Variants in SDK2 observed in about 807,000 individuals in gnomAD.
SDK2 encodes protein sidekick-2.
A neutral mutation model predicts 253.9 loss-of-function variants in SDK2; 105 were observed. The observed-to-expected ratio is 0.41, with a 90% CI of 0.35 to 0.49. The LOEUF is 0.49. Among genes scored for constraint, SDK2 ranks in the 20% least tolerant of loss-of-function variants. The pLI is 0.06. For missense variants in SDK2, 2,608 were observed against 3,003.0 expected (o/e 0.87, Z 3.07); for synonymous variants, 1,249 against 1,234.9 (o/e 1.01, Z -0.24).
intron 1 of SDK2, among the ~76,000 whole-genome samples, chr17:73,593,397 G>A (rs144931038): frequency 2.0e-5 from 3 of 152,174 alleles, no homozygotes; most frequent in African/African-American, 7.2e-5. Flanking sequence ...CCTCCTCATT[G>A]TGCAGGAAAC....
chr17:73,405,439 CAAA>C (rs1230810012), intron 18 of SDK2, among the ~76,000 whole-genome samples: 1 of 18,366 alleles, frequency 5.4e-5, no homozygotes, highest in Non-Finnish European at 1.1e-4. Flanking sequence ...AACTCCTTCT[CAAA>C]AAAAAAAAAA....
chr17:73,471,554 C>T (rs1398786079), intron 3 of SDK2, among the ~76,000 whole-genome samples: 1 of 152,124 alleles, frequency 6.6e-6, no homozygotes, highest in Non-Finnish European at 1.5e-5. Flanking sequence ...GCCAAGATTG[C>T]ACCACTGAAC....
intron 1 of SDK2, among the ~76,000 whole-genome samples, chr17:73,605,830 C>T (rs55965679): frequency 0.13 from 20,306 of 152,142 alleles, 1,593 homozygotes; most frequent in South Asian, 0.26. Flanking sequence ...GCTCAAAATG[C>T]TTGCTGAGTG....
intron 1 of SDK2, among the ~76,000 whole-genome samples, chr17:73,555,734 C>T (rs1488337108): frequency 3.3e-5 from 5 of 152,210 alleles, no homozygotes; most frequent in Non-Finnish European, 5.9e-5. Flanking sequence ...CAGATGTCGG[C>T]GGATTAGCAG....
intron 41 of SDK2, among the ~76,000 whole-genome samples, 186 bp from the exon 42 acceptor site, chr17:73,350,976 G>A (rs1260322464): frequency 6.6e-6 from 1 of 152,162 alleles, no homozygotes; most frequent in Non-Finnish European, 1.5e-5. Context: ...GTCGGTAAAG[G>A]GCTGCCTGGA....
chr17:73,559,864 G>A (rs1026109096), intron 1 of SDK2, among the ~76,000 whole-genome samples: 2 of 152,210 alleles, frequency 1.3e-5, no homozygotes, highest in African/African-American at 4.8e-5. Context: ...AAAGCCTTTA[G>A]TCCCTGGCCT....
chr17:73,495,619 C>CGTGTGAGT, intron 2 of SDK2, among the ~76,000 whole-genome samples: 1 of 148,534 alleles, frequency 6.7e-6, no homozygotes, highest in South Asian at 2.2e-4. Context: ...AGGCCTGCCC[C>CGTGTGAGT]GTGTGTGTGT....
At position 73,643,987 on chromosome 17, in the gene SDK2, A is replaced by ACAAC; in HGVS notation, c.64+37_64+38insGTTG. The ACAAC allele has an allele frequency of 6.2e-6, 2 of 320,446 alleles. No homozygotes were observed. Among genetic ancestry groups the ACAAC allele is most frequent in the Non-Finnish European group, 1.1e-5 (2 of 187,564 alleles). The allele number at this position is 320,446 out of a possible 1,614,324, so 19.9% of individuals were successfully genotyped here. On this transcript the variant is annotated intron_variant, in intron 1 of 44. Coordinates refer to ENST00000392650, the MANE Select transcript of SDK2 (RefSeq NM_001144952.2). The surrounding 1 kb of genome is among the most constrained non-coding windows in gnomAD (Gnocchi z 6.9). ...CCGCCCCTCCCCCGCCCACTCTCCCAGCCCCCTCCCTGTCCCCACGTGGGG... is the reference window on the plus strand; with the variant it reads ...CCGCCCCTCCCCCGCCCACTCTCCCACAACGCCCCCTCCCTGTCCCCACGTGGGG...
chr17:73,378,738 A>C (rs2062805552), intron 36 of SDK2, among the ~76,000 whole-genome samples: 1 of 152,172 alleles, frequency 6.6e-6, no homozygotes, highest in Admixed American at 6.5e-5. Flanking sequence ...ATTTTTAAAC[A>C]GAGATTTCCA....
intron 2 of SDK2, among the ~76,000 whole-genome samples, chr17:73,483,683 T>A (rs58806840): frequency 0.041 from 1,696 of 41,142 alleles, 106 homozygotes; most frequent in African/African-American, 0.079. Context: ...ATATATATAT[T>A]TATATATATA....
chr17:73,363,917 C>T (rs2062662473), intron 38 of SDK2, among the ~76,000 whole-genome samples: 1 of 152,036 alleles, frequency 6.6e-6, no homozygotes, highest in African/African-American at 2.4e-5. Flanking sequence ...TAACACACAG[C>T]TCCCCTTTGC....
intron 3 of SDK2, among the ~76,000 whole-genome samples, chr17:73,470,602 T>C (rs1015244545): frequency 2.6e-5 from 4 of 152,246 alleles, no homozygotes; most frequent in Non-Finnish European, 4.4e-5. Context: ...TTGGAGTAAG[T>C]TGAGTTGCCG....
intron 36 of SDK2, chr17:73,369,144 A>G (rs775927723): frequency 2.1e-6 from 1 of 471,038 alleles, no homozygotes; most frequent in South Asian, 1.5e-5. Context: ...GTTTCCCGCC[A>G]TGCCTGGAGG....
intron 1 of SDK2, among the ~76,000 whole-genome samples, chr17:73,537,545 G>A (rs1198100737): frequency 2.0e-5 from 3 of 152,092 alleles, no homozygotes; most frequent in Admixed American, 6.5e-5. Context: ...GGAAGGGATG[G>A]AGAAGTGGGT....
chr17:73,402,024 A>C lies in SDK2; in HGVS notation c.2602T>G (p.Phe868Val). ...VSGLKKFTEYFTSVLCFTTPG... is the reference protein window; with the variant it reads ...VSGLKKFTEYVTSVLCFTTPG... Reference sequence around the variant, plus strand: ...GTGGTGAAACACAGCACTGAGGTGAAGTACTCGGTGAACTTCTTCAGGCCA... The same window carrying C: ...GTGGTGAAACACAGCACTGAGGTGACGTACTCGGTGAACTTCTTCAGGCCA... Residue 868 changes from phenylalanine to valine, a missense_variant, in exon 19 of 45, where the codon TTC becomes GTC. Physicochemically the swap from Phe to Val is conservative, Grantham distance 50. Around this residue, in one of 2 missense-constraint regions of SDK2, gnomAD observed 1,505 missense variants for 1,859.1 expected, o/e 0.81. Coordinates refer to ENST00000392650, the MANE Select transcript of SDK2 (RefSeq NM_001144952.2). 2 of 1,613,930 alleles carry C rather than the reference A, an allele frequency of 1.2e-6. No homozygotes were observed. Among genetic ancestry groups the C allele is most frequent in the Non-Finnish European group, 1.7e-6 (2 of 1,179,862 alleles).
chr17:73,570,192 C>A lies in SDK2; in HGVS notation c.65-62595G>T, dbSNP rs1175075268. 1.3e-5 allele frequency among the ~76,000 whole-genome samples: 2 copies of A among 152,098 alleles called. No homozygotes were observed. Among genetic ancestry groups the A allele is most frequent in the Non-Finnish European group, 2.9e-5 (2 of 67,990 alleles). ...CAGGGCGACCACCCCAGGGGCCCAG[C>A]CTTGCTACCTCCCCTCCCTGTTTAC... is the stretch of plus-strand genomic sequence containing the variant. On this transcript the variant is annotated intron_variant, in intron 1 of 44. Transcript: ENST00000392650. This position sits in a 1 kb window ranked among gnomAD's most constrained non-coding sequence, Gnocchi z 4.2.
chr17:73,335,449 A>G lies in SDK2; in HGVS notation c.*3138T>C, dbSNP rs1340152515. 1 of 152,224 alleles carries G rather than the reference A, an allele frequency of 6.6e-6. No individual in the cohort carries two copies. Among genetic ancestry groups the G allele is most frequent in the Non-Finnish European group, 1.5e-5 (1 of 68,056 alleles). The allele number at this position is 152,224 out of a possible 1,614,324, so 9.4% of individuals were successfully genotyped here. On this transcript the variant is annotated 3_prime_UTR_variant, in exon 45 of 45. Coordinates refer to ENST00000392650, the MANE Select transcript of SDK2 (RefSeq NM_001144952.2). The stretch of plus-strand genomic sequence containing the variant: ...CAGAAAGGGTCCCACTCTTTCTACA[A>G]AGGGCAGGGCCCACCACCCCTTTCT...
At chr17:73,522,899 G>A (rs781154634) in intron 1 of SDK2, among the ~76,000 whole-genome samples, 24 of 152,180 alleles carry the variant, frequency 1.6e-4, no homozygotes, top group Non-Finnish European at 2.8e-4. Context: ...CTCCTCTTGC[G>A]GGTGGGATGA....
chr17:73,620,132 G>A (rs551226534), intron 1 of SDK2, among the ~76,000 whole-genome samples: 6 of 151,690 alleles, frequency 4.0e-5, no homozygotes, highest in African/African-American at 1.5e-4. Context: ...CCAGGGGGTT[G>A]AGGCTGCAGT....
Sources: allele counts gnomAD v4.1 joint callset (sites outside exome capture counted in the v4.1 genomes callset), GRCh38; gene constraint gnomAD v4.1.1; regional missense constraint gnomAD v4.1.1; non-coding constraint Gnocchi (gnomAD v3.1); transcripts MANE v1.5; gene names NCBI Gene and HGNC (gene_info 2026-07-23, HGNC 2026-07-21).